Variants in NKAIN2 observed in about 807,000 individuals in gnomAD.
The protein encoded by NKAIN2 is sodium/potassium transporting ATPase interacting 2.
NKAIN2 carries 14 observed loss-of-function variants against 32.6 expected under a neutral mutation model. That is an observed-to-expected ratio of 0.43 (90% confidence interval 0.28 to 0.67). The LOEUF (loss-of-function observed/expected upper bound fraction) is 0.67, where lower values mean the gene tolerates loss of function less well. Ranked by LOEUF, NKAIN2 falls within the 30% of genes least tolerant of loss-of-function variation. NKAIN2 has a pLI of 0.17. For missense variants in NKAIN2, 198 were observed against 258.3 expected (o/e 0.77, Z 1.60); for synonymous variants, 80 against 87.2 (o/e 0.92, Z 0.46).
chr6:124,055,456 G>A (rs1012830249), intron 1 of NKAIN2, among the ~76,000 whole-genome samples: 4 of 152,122 alleles, frequency 2.6e-5, no homozygotes, highest in Non-Finnish European at 5.9e-5. Context: ...TTAGATGGAA[G>A]CTATTTAGTT....
intron 1 of NKAIN2, among the ~76,000 whole-genome samples, chr6:124,009,488 G>C (rs113717410): frequency 6.6e-6 from 1 of 152,040 alleles, no homozygotes; most frequent in Non-Finnish European, 1.5e-5. Context: ...GCTGGGTGGC[G>C]GCTTACGATG....
chr6:124,782,340 A>C (rs933972335), intron 4 of NKAIN2, among the ~76,000 whole-genome samples: 12 of 152,280 alleles, frequency 7.9e-5, no homozygotes, highest in African/African-American at 2.9e-4. Flanking sequence ...TGCATTGTAT[A>C]TTCCACACTT....
intron 1 of NKAIN2, among the ~76,000 whole-genome samples, chr6:124,029,387 C>A (rs1211149680): frequency 6.7e-6 from 1 of 149,300 alleles, no homozygotes; most frequent in Non-Finnish European, 1.5e-5. Flanking sequence ...ATTTACCGTT[C>A]ATTTTATTTA....
chr6:123,880,983 G>C (rs1773427330), intron 1 of NKAIN2, among the ~76,000 whole-genome samples: 1 of 152,078 alleles, frequency 6.6e-6, no homozygotes, highest in South Asian at 2.1e-4. Flanking sequence ...TACAGGGTGG[G>C]CAAGGCTGTG....
chr6:123,865,038 G>C (rs1254727850), intron 1 of NKAIN2, among the ~76,000 whole-genome samples: 9 of 152,088 alleles, frequency 5.9e-5, no homozygotes, highest in African/African-American at 2.2e-4. Flanking sequence ...TAAAACCACT[G>C]TCCTTAGAAA....
chr6:124,438,184 A>AG (rs1257084636), intron 3 of NKAIN2, among the ~76,000 whole-genome samples: 1 of 152,166 alleles, frequency 6.6e-6, no homozygotes, highest in Admixed American at 6.6e-5. Context: ...ACCAAAATTT[A>AG]GCTTGATAAT....
At chr6:124,568,822 C>CAAAAA (rs3053601) in intron 3 of NKAIN2, among the ~76,000 whole-genome samples, 7 of 80,504 alleles carry the variant, frequency 8.7e-5, no homozygotes, top group African/African-American at 3.4e-4. Flanking sequence ...AGCACTGTGG[C>CAAAAA]AAAAAAAAAA....
intron 2 of NKAIN2, among the ~76,000 whole-genome samples, chr6:124,286,650 G>GTGTGTGTC (rs1283582267): frequency 5.8e-5 from 7 of 120,088 alleles, no homozygotes; most frequent in African/African-American, 3.7e-4. Flanking sequence ...AATTGTGTGT[G>GTGTGTGTC]TGTGTGTGTG....
intron 1 of NKAIN2, among the ~76,000 whole-genome samples, chr6:124,071,807 T>C (rs1243076043): frequency 6.6e-6 from 1 of 152,088 alleles, no homozygotes; most frequent in Non-Finnish European, 1.5e-5. Context: ...ATTGTTATTA[T>C]TAAAAAGTCA....
chr6:123,892,913 A>G (rs555546451), intron 1 of NKAIN2, among the ~76,000 whole-genome samples: 1 of 151,656 alleles, frequency 6.6e-6, no homozygotes, highest in South Asian at 2.1e-4. Context: ...GAGCTCAATC[A>G]TCACGTATTT....
At chr6:124,609,619 ACCT>A (rs2114994946) in intron 3 of NKAIN2, among the ~76,000 whole-genome samples, 1 of 151,068 alleles carries the variant, frequency 6.6e-6, no homozygotes, top group African/African-American at 2.4e-5. Context: ...CCTGCCTCTC[ACCT>A]CCTCCCCTGC....
At chr6:124,084,357 A>G (rs1049333143) in intron 1 of NKAIN2, among the ~76,000 whole-genome samples, 2 of 151,944 alleles carry the variant, frequency 1.3e-5, no homozygotes, top group Non-Finnish European at 2.9e-5. Flanking sequence ...ATGGCTTGCC[A>G]TTGTGTGACA....
At chr6:124,005,614 G>T (rs1780045565) in intron 1 of NKAIN2, among the ~76,000 whole-genome samples, 3 of 151,730 alleles carry the variant, frequency 2.0e-5, no homozygotes, top group Admixed American at 6.6e-5. Flanking sequence ...ACTTTATTTG[G>T]CAATAACAAA....
chr6:124,174,128 G>C (rs1041813277), intron 1 of NKAIN2, among the ~76,000 whole-genome samples: 10 of 152,072 alleles, frequency 6.6e-5, no homozygotes, highest in Non-Finnish European at 1.5e-4. Flanking sequence ...GAGGTTTATA[G>C]AATTTAAAGG....
chr6:124,176,916 C>G (rs760847526), intron 1 of NKAIN2, among the ~76,000 whole-genome samples: 3 of 151,406 alleles, frequency 2.0e-5, no homozygotes, highest in African/African-American at 4.9e-5. Flanking sequence ...TAACTTTTAC[C>G]CATCTTATGT....
chr6:124,172,023 A>G (rs1251803041), intron 1 of NKAIN2, among the ~76,000 whole-genome samples: 5 of 151,026 alleles, frequency 3.3e-5, no homozygotes, highest in African/African-American at 9.8e-5. Context: ...CGTGTTAGCC[A>G]GGGTGATCTC....
At chr6:124,053,041 A>G (rs548850380) in intron 1 of NKAIN2, among the ~76,000 whole-genome samples, 188 of 152,182 alleles carry the variant, frequency 1.2e-3, no homozygotes, top group Non-Finnish European at 2.3e-3. Flanking sequence ...TAAATGGCTA[A>G]GGTGTGGTAA....
At chr6:123,846,079 A>G (rs1775076719) in intron 1 of NKAIN2, among the ~76,000 whole-genome samples, 1 of 152,154 alleles carries the variant, frequency 6.6e-6, no homozygotes, top group African/African-American at 2.4e-5. Flanking sequence ...AATGTTTTAT[A>G]TGCATCTTCT....
chr6:124,186,957 G>C (rs1484547108), intron 1 of NKAIN2, among the ~76,000 whole-genome samples: 1 of 118,408 alleles, frequency 8.4e-6, no homozygotes, highest in Non-Finnish European at 1.8e-5. Context: ...GACAAGAAAA[G>C]TACTGATGAT....
Sources: allele counts gnomAD v4.1 joint callset (sites outside exome capture counted in the v4.1 genomes callset), GRCh38; gene constraint gnomAD v4.1.1; transcripts MANE v1.5; gene names NCBI Gene and HGNC (gene_info 2026-07-23, HGNC 2026-07-21).